Variants in GNAT3 observed in about 807,000 individuals in gnomAD.
The protein encoded by GNAT3 is guanine nucleotide-binding protein G(t) subunit alpha-3.
In GNAT3, 31 loss-of-function variants were observed where a neutral mutation model predicts 37.7. The observed-to-expected ratio is 0.82, with a 90% CI of 0.62 to 1.11. GNAT3 has a LOEUF of 1.11. Among genes scored for constraint, GNAT3 ranks in the 50% most tolerant of loss-of-function variants. The pLI is 0.00. For synonymous variants in GNAT3, 138 were observed against 139.8 expected (o/e 0.99, Z 0.09); for missense variants, 437 against 412.5 (o/e 1.06, Z -0.51).
chr7:80,490,734 ATAAG>A (rs1370979456), intron 2 of GNAT3, among the ~76,000 whole-genome samples: 2 of 152,308 alleles, frequency 1.3e-5, no homozygotes, highest in East Asian at 1.9e-4. Context: ...TCTACATTTT[ATAAG>A]TAAGAAATGT....
chr7:80,503,197 G>A (rs1790869202), intron 1 of GNAT3, among the ~76,000 whole-genome samples: 1 of 152,050 alleles, frequency 6.6e-6, no homozygotes, highest in Non-Finnish European at 1.5e-5. Flanking sequence ...TACATGCAAA[G>A]GTATACCTGT....
At chr7:80,490,720 A>G (rs1043468226) in intron 2 of GNAT3, among the ~76,000 whole-genome samples, 2 of 152,190 alleles carry the variant, frequency 1.3e-5, no homozygotes, top group Non-Finnish European at 2.9e-5. Flanking sequence ...AGATACAATT[A>G]TGATCTACAT....
intron 1 of GNAT3, among the ~76,000 whole-genome samples, chr7:80,504,968 G>C (rs558360362): frequency 3.3e-5 from 5 of 152,282 alleles, no homozygotes; most frequent in African/African-American, 9.6e-5. Flanking sequence ...AACGTGATAT[G>C]TGTCAGCCAG....
intron 7 of GNAT3, 74 bp from the exon 8 acceptor site, chr7:80,458,935 C>T: frequency 3.9e-6 from 4 of 1,016,872 alleles, no homozygotes; most frequent in South Asian, 3.2e-5. Flanking sequence ...ATAATATCAG[C>T]AAATTTTAGG....
chr7:80,488,500 G>T, intron 3 of GNAT3, 35 bp downstream of exon 3: 1 of 1,559,136 alleles, frequency 6.4e-7, no homozygotes, highest in Non-Finnish European at 8.8e-7. Flanking sequence ...AAACTCTATT[G>T]CAGGACATAC....
chr7:80,492,368 TA>T (rs1361095740), intron 2 of GNAT3, among the ~76,000 whole-genome samples: 2 of 143,342 alleles, frequency 1.4e-5, no homozygotes, highest in African/African-American at 5.6e-5. Context: ...AATAAATAAA[TA>T]AAATAAAATA....
Position 80,488,552 on chromosome 7 carries a change from C to G in GNAT3, c.286G>C (p.Val96Leu), listed in dbSNP as rs1455369948. The G allele has an allele frequency of 6.2e-7, 1 of 1,601,436 alleles. No individual in the cohort carries two copies. The highest frequency in any genetic ancestry group is 2.2e-5 in the East Asian group (1 of 44,456). ...KAMTTLGIDY[V>L]NPRSAEDQRQ... ...ATACTTACTGCACTTCTGGGATTTA[C>G]ATAATCAATTCCAAGGGTAGTCATG... is the stretch of plus-strand genomic sequence containing the variant. The change falls in exon 3 of 8, where the codon GTA becomes CTA. Residue 96 changes from valine to leucine, a missense_variant. Transcript: ENST00000398291.
intron 5 of GNAT3, among the ~76,000 whole-genome samples, chr7:80,462,865 C>T (rs1489308391): frequency 6.6e-6 from 1 of 152,130 alleles, no homozygotes; most frequent in African/African-American, 2.4e-5. Flanking sequence ...AATTTACACA[C>T]TGACTTTGAG....
At chr7:80,462,018 T>C (rs1392942721) in intron 7 of GNAT3, 141 bp downstream of exon 7, 2 of 613,358 alleles carry the variant, frequency 3.3e-6, no homozygotes, top group Middle Eastern at 4.4e-4. Flanking sequence ...TGTAAGATTT[T>C]TTTTCCAGTT....
intron 1 of GNAT3, among the ~76,000 whole-genome samples, chr7:80,501,742 C>A (rs1790837548): frequency 6.6e-6 from 1 of 151,672 alleles, no homozygotes; most frequent in South Asian, 2.1e-4. Context: ...TATCTGTATT[C>A]TCTGATTAGA....
intron 2 of GNAT3, among the ~76,000 whole-genome samples, chr7:80,490,211 T>A (rs1790566570): frequency 6.6e-6 from 1 of 152,176 alleles, no homozygotes; most frequent in Non-Finnish European, 1.5e-5. Flanking sequence ...AATACATTAG[T>A]CACTAGATGA....
intron 3 of GNAT3, among the ~76,000 whole-genome samples, chr7:80,483,619 C>T (rs1451390841): frequency 6.6e-6 from 1 of 151,922 alleles, no homozygotes; most frequent in African/African-American, 2.4e-5. Flanking sequence ...CCCCTCTTTC[C>T]CTCCTTTCTC....
chr7:80,463,092 A>G (rs1023490523), intron 5 of GNAT3, among the ~76,000 whole-genome samples: 2 of 152,188 alleles, frequency 1.3e-5, no homozygotes, highest in African/African-American at 2.4e-5. Context: ...TGTACTAGAC[A>G]CTGTGCTAGG....
At chr7:80,498,640 A>G (rs1256800074) in intron 1 of GNAT3, among the ~76,000 whole-genome samples, 1 of 152,132 alleles carries the variant, frequency 6.6e-6, no homozygotes, top group African/African-American at 2.4e-5. Context: ...GTGAGATTAG[A>G]TCATGTTACA....
Position 80,511,836 on chromosome 7 carries a change from C to T in GNAT3, c.91G>A (p.Ala31Thr), listed in dbSNP as rs143118835. 0.015 allele frequency: 24,752 copies of T among 1,611,056 alleles called. 254 individuals are homozygous for T. The highest frequency in any genetic ancestry group is 0.047 in the Middle Eastern group (286 of 6,054). The change falls in exon 1 of 8, where the codon GCA becomes ACA. Residue 31 changes from alanine to threonine, a missense_variant. Ala to Thr is a moderately conservative substitution (Grantham distance 58, BLOSUM62 0). Transcript: ENST00000398291. ...KKLQEDAERD[A>T]RTVKLLLLGA... is the part of the protein sequence containing the mutation. The stretch of plus-strand genomic sequence containing the variant: ...AATAGTAGCAGCTTTACGGTTCTTG[C>T]ATCTCGCTCAGCATCCTCCTGAAGC...
At chr7:80,462,091 G>T in intron 7 of GNAT3, 68 bp downstream of exon 7, 1 of 1,000,420 alleles carries the variant, frequency 1.0e-6, no homozygotes, top group African/African-American at 1.6e-5. Flanking sequence ...TAAATGTCAA[G>T]ATCCAGATAG....
intron 2 of GNAT3, among the ~76,000 whole-genome samples, chr7:80,493,729 CTCCTCCTCCTCTT>C (rs1562730614): frequency 1.1e-4 from 15 of 135,698 alleles, no homozygotes; most frequent in Non-Finnish European, 2.1e-4. Flanking sequence ...CTCTTTCCTC[CTCCTCCTCCTCTT>C]TCCTCCTCCA....
intron 5 of GNAT3, among the ~76,000 whole-genome samples, chr7:80,467,922 G>GT (rs1386202554): frequency 1.3e-5 from 2 of 151,748 alleles, no homozygotes; most frequent in African/African-American, 2.4e-5. Context: ...TTTGTGTGGG[G>GT]TTTTTTGGTC....
intron 1 of GNAT3, among the ~76,000 whole-genome samples, chr7:80,502,635 T>C (rs1790856485): frequency 6.6e-6 from 1 of 152,086 alleles, no homozygotes; most frequent in Non-Finnish European, 1.5e-5. Context: ...AAGCATGTAG[T>C]TCTTACTAGA....
Sources: allele counts gnomAD v4.1 joint callset (sites outside exome capture counted in the v4.1 genomes callset), GRCh38; gene constraint gnomAD v4.1.1; transcripts MANE v1.5; gene names NCBI Gene and HGNC (gene_info 2026-07-23, HGNC 2026-07-21).